The following TMEM178B variants were observed in gnomAD, a reference collection of about 807,000 sequenced individuals.
The protein encoded by TMEM178B is transmembrane protein 178B.
TMEM178B carries 5 observed loss-of-function variants against 31.0 expected under a neutral mutation model. That is an observed-to-expected ratio of 0.16 (90% CI 0.08 to 0.34). The LOEUF (loss-of-function observed/expected upper bound fraction) is 0.34. Ranked by LOEUF, TMEM178B falls within the 10% of genes least tolerant of loss-of-function variation. The pLI is 1.00. For synonymous variants in TMEM178B, 164 were observed against 164.0 expected, an observed-to-expected ratio of 1.00 and a Z score of 0.00; for missense variants, 275 against 400.3, an observed-to-expected ratio of 0.69 and a Z score of 2.67.
intron 2 of TMEM178B, among the ~76,000 whole-genome samples, chr7:141,335,382 C>G (rs1799366976): frequency 6.6e-6 from 1 of 152,208 alleles, no homozygotes; most frequent in South Asian, 2.1e-4. Flanking sequence ...TGCTGGCACT[C>G]TGCTCCCAGA....
chr7:141,505,386 A>C, the TMEM178B span, among the ~76,000 whole-genome samples: 1 of 152,216 alleles, frequency 6.6e-6, no homozygotes, highest in Non-Finnish European at 1.5e-5. Flanking sequence ...TAGGTCAGTG[A>C]ATGTTTTCAT....
At chr7:141,368,612 T>G (rs1343275138) in intron 2 of TMEM178B, among the ~76,000 whole-genome samples, 5 of 152,236 alleles carry the variant, frequency 3.3e-5, no homozygotes, top group East Asian at 3.9e-4. Flanking sequence ...TTATCCATGC[T>G]CAGTGTGTAC....
intron 2 of TMEM178B, among the ~76,000 whole-genome samples, chr7:141,241,810 G>A (rs953620207): frequency 2.6e-5 from 4 of 152,072 alleles, no homozygotes; most frequent in African/African-American, 9.7e-5. Context: ...AAAGGAATGG[G>A]TTGACTTAAA....
At chr7:141,499,102 T>G in the TMEM178B span, among the ~76,000 whole-genome samples, 6 of 152,190 alleles carry the variant, frequency 3.9e-5, no homozygotes, top group Non-Finnish European at 7.3e-5. Flanking sequence ...TTTAATAGAT[T>G]ATTTGGCTGG....
intron 2 of TMEM178B, among the ~76,000 whole-genome samples, chr7:141,400,673 A>G (rs1800744803): frequency 1.3e-5 from 2 of 152,312 alleles, no homozygotes; most frequent in South Asian, 2.1e-4. Flanking sequence ...CCTCCTTAAC[A>G]CTCTCACAAA....
intron 2 of TMEM178B, among the ~76,000 whole-genome samples, chr7:141,413,821 A>G (rs1312571390): frequency 6.9e-6 from 1 of 145,704 alleles, no homozygotes; most frequent in African/African-American, 2.5e-5. Context: ...TTCCTCTTTG[A>G]TGTAAGAGCA....
intron 2 of TMEM178B, among the ~76,000 whole-genome samples, chr7:141,410,070 C>T (rs921135778): frequency 1.3e-5 from 2 of 152,244 alleles, no homozygotes; most frequent in African/African-American, 4.8e-5. Flanking sequence ...CATCCTTGCT[C>T]TGTGCCTGCC....
intron 1 of TMEM178B, among the ~76,000 whole-genome samples, chr7:141,131,030 C>G (rs1170320359): frequency 2.6e-5 from 4 of 152,142 alleles, no homozygotes; most frequent in Admixed American, 6.5e-5. Flanking sequence ...GGTTGAATTC[C>G]CAGGCACTCA....
the TMEM178B span, among the ~76,000 whole-genome samples, chr7:141,507,666 T>A: frequency 2.0e-5 from 3 of 152,248 alleles, no homozygotes; most frequent in Admixed American, 6.5e-5. Context: ...CCACCGCGCC[T>A]GGCCCAAATC....
chr7:141,143,264 G>C (rs1270183034), intron 1 of TMEM178B, among the ~76,000 whole-genome samples: 9 of 152,146 alleles, frequency 5.9e-5, no homozygotes, highest in Admixed American at 5.9e-4. Context: ...AATTGCTTTT[G>C]AGGACTTAGT....
intron 1 of TMEM178B, among the ~76,000 whole-genome samples, chr7:141,123,491 A>G (rs1795441311): frequency 6.6e-6 from 1 of 152,234 alleles, no homozygotes; most frequent in African/African-American, 2.4e-5. Flanking sequence ...GCATTCATGC[A>G]GAGGAGATGG....
At chr7:141,419,724 A>G (rs999256136) in intron 2 of TMEM178B, among the ~76,000 whole-genome samples, 1 of 152,176 alleles carries the variant, frequency 6.6e-6, no homozygotes, top group Non-Finnish European at 1.5e-5. Context: ...AAAGCAGTTT[A>G]ATTGAGCAAA....
intron 2 of TMEM178B, among the ~76,000 whole-genome samples, chr7:141,350,704 A>G (rs1206637509): frequency 6.6e-6 from 1 of 152,220 alleles, no homozygotes; most frequent in Non-Finnish European, 1.5e-5. Flanking sequence ...TAAATTACAA[A>G]ATATTTCAGA....
intron 1 of TMEM178B, among the ~76,000 whole-genome samples, chr7:141,082,290 A>C (rs1397587785): frequency 6.6e-6 from 1 of 152,218 alleles, no homozygotes; most frequent in Non-Finnish European, 1.5e-5. Flanking sequence ...AGGAGGTTTC[A>C]TTAGCTGAGG....
chr7:141,183,288 C>T (rs1796559504), intron 1 of TMEM178B, among the ~76,000 whole-genome samples: 1 of 152,200 alleles, frequency 6.6e-6, no homozygotes, highest in African/African-American at 2.4e-5. Context: ...ACAGCCCACC[C>T]TGTCATTAGA....
chr7:141,465,037 A>G (rs1242725241), intron 3 of TMEM178B, among the ~76,000 whole-genome samples: 1 of 152,234 alleles, frequency 6.6e-6, no homozygotes. Context: ...ATGACTATGC[A>G]TTACTATTTA....
intron 1 of TMEM178B, among the ~76,000 whole-genome samples, chr7:141,115,583 G>C (rs1373787204): frequency 6.6e-6 from 1 of 152,200 alleles, no homozygotes; most frequent in Non-Finnish European, 1.5e-5. Context: ...AGAGGCTATT[G>C]GATGGAGAAG....
At chr7:141,503,951 A>C in the TMEM178B span, among the ~76,000 whole-genome samples, 1,385 of 152,348 alleles carry the variant, frequency 9.1e-3, 9 homozygotes, top group Non-Finnish European at 0.015. Flanking sequence ...GACAAAACCC[A>C]GACTTCAACT....
intron 2 of TMEM178B, among the ~76,000 whole-genome samples, chr7:141,410,398 G>C (rs1054236837): frequency 1.3e-5 from 2 of 151,064 alleles, no homozygotes; most frequent in African/African-American, 4.9e-5. Flanking sequence ...CTGTGTCCTT[G>C]GTCCTTTTCT....
Sources: gnomAD v4.1 joint callset for allele counts (sites outside exome capture counted in the v4.1 genomes callset) on GRCh38, gnomAD v4.1.1 for gene constraint, MANE v1.5 for transcripts, NCBI Gene and HGNC (gene_info 2026-07-23, HGNC 2026-07-21) for gene names.